Variants in RORA observed in about 807,000 individuals in gnomAD.
The protein encoded by RORA is RAR related orphan receptor A.
In RORA, 7 loss-of-function variants were observed where a neutral mutation model predicts 69.5. That is an observed-to-expected ratio of 0.10 (90% CI 0.06 to 0.19). The LOEUF (loss-of-function observed/expected upper bound fraction) is 0.19. RORA is among the 10% of genes least tolerant of loss of function. RORA has a pLI of 1.00. For missense variants in RORA, 457 were observed against 663.0 expected (o/e 0.69, Z 3.41); for synonymous variants, 261 against 240.8 (o/e 1.08, Z -0.78).
chr15:60,679,532 C>CACT (rs1269611179), intron 1 of RORA, among the ~76,000 whole-genome samples: 1 of 152,158 alleles, frequency 6.6e-6, no homozygotes, highest in East Asian at 1.9e-4. Context: ...GTTCTTGAGA[C>CACT]TAAGTAGGCT....
intron 1 of RORA, among the ~76,000 whole-genome samples, chr15:60,871,538 T>C (rs546723413): frequency 6.6e-6 from 1 of 152,330 alleles, no homozygotes; most frequent in South Asian, 2.1e-4. Flanking sequence ...CCAACTCAGA[T>C]TTTGACTCTG....
At chr15:60,701,906 A>G (rs1403647404) in intron 1 of RORA, among the ~76,000 whole-genome samples, 5 of 152,310 alleles carry the variant, frequency 3.3e-5, no homozygotes, top group South Asian at 2.1e-4. Flanking sequence ...GACAACAGCA[A>G]CTTCTCATAA....
chr15:60,713,894 A>G (rs62002731), intron 1 of RORA, among the ~76,000 whole-genome samples: 7,659 of 152,354 alleles, frequency 0.05, 269 homozygotes, highest in Non-Finnish European at 0.075. Context: ...CAACTGGCAG[A>G]CTGCTGACCC....
intron 1 of RORA, among the ~76,000 whole-genome samples, chr15:60,937,378 A>G (rs12911803): frequency 0.23 from 34,573 of 152,098 alleles, 4,168 homozygotes; most frequent in Middle Eastern, 0.3. Context: ...CTTGGTGAGA[A>G]AGCACTCACC....
chr15:61,020,014 C>A (rs1425764227), intron 1 of RORA, among the ~76,000 whole-genome samples: 1 of 152,224 alleles, frequency 6.6e-6, no homozygotes, highest in Admixed American at 6.5e-5. Context: ...GAATCACTAA[C>A]CTCTCTCAGA....
At chr15:61,053,860 T>TATATATATATATATATATATATATAA (rs1427951896) in intron 1 of RORA, among the ~76,000 whole-genome samples, 2 of 139,472 alleles carry the variant, frequency 1.4e-5, no homozygotes, top group African/African-American at 5.3e-5. Flanking sequence ...TATATATATA[T>TATATATATATATATATATATATATAA]ATAAACATTC....
intron 5 of RORA, among the ~76,000 whole-genome samples, chr15:60,507,389 G>T (rs2065542334): frequency 6.6e-6 from 1 of 152,108 alleles, no homozygotes; most frequent in Non-Finnish European, 1.5e-5. Context: ...AACAGAGCAG[G>T]TTCACCTAAA....
At chr15:60,769,434 G>A (rs1349877242) in intron 1 of RORA, among the ~76,000 whole-genome samples, 1 of 152,142 alleles carries the variant, frequency 6.6e-6, no homozygotes, top group Non-Finnish European at 1.5e-5. Flanking sequence ...AACCCATTTG[G>A]TTGAGCACTG....
At chr15:60,656,373 A>T (rs540156687) in intron 2 of RORA, among the ~76,000 whole-genome samples, 1 of 152,348 alleles carries the variant, frequency 6.6e-6, no homozygotes, top group African/African-American at 2.4e-5. Flanking sequence ...ACAGACACCA[A>T]TCTTGCCTTC....
intron 1 of RORA, among the ~76,000 whole-genome samples, chr15:60,855,610 TTTTA>T (rs56303340): frequency 0.26 from 39,939 of 151,872 alleles, 5,481 homozygotes; most frequent in Non-Finnish European, 0.29. Context: ...CAGTGTTTGC[TTTTA>T]TTTATTTATT....
chr15:61,134,988 CCTG>C (rs1292433377), intron 1 of RORA, among the ~76,000 whole-genome samples: 2 of 151,908 alleles, frequency 1.3e-5, no homozygotes, highest in Non-Finnish European at 2.9e-5. Flanking sequence ...CAAGCAAACC[CCTG>C]TCCAACATAC....
intron 1 of RORA, among the ~76,000 whole-genome samples, chr15:60,837,484 G>A (rs973568503): frequency 6.6e-6 from 1 of 152,142 alleles, no homozygotes; most frequent in Non-Finnish European, 1.5e-5. Context: ...CCTTGCACAC[G>A]TCAATACAGG....
chr15:61,161,183 C>T (rs12900176), intron 1 of RORA, among the ~76,000 whole-genome samples: 74,490 of 151,944 alleles, frequency 0.49, 19,668 homozygotes, highest in Non-Finnish European at 0.6. Context: ...ATTGTGGATC[C>T]CATATGAAGT....
chr15:61,091,676 G>A (rs2078709509), intron 1 of RORA, among the ~76,000 whole-genome samples: 1 of 152,206 alleles, frequency 6.6e-6, no homozygotes, highest in Admixed American at 6.5e-5. Context: ...TTATCCACAA[G>A]CAACTTCACA....
intron 1 of RORA, among the ~76,000 whole-genome samples, chr15:60,815,119 C>G (rs1222865615): frequency 6.6e-6 from 1 of 152,142 alleles, no homozygotes; most frequent in Non-Finnish European, 1.5e-5. Flanking sequence ...AAAAACGAGT[C>G]TAATGATGCT....
At chr15:60,997,495 T>C (rs1894592797) in intron 1 of RORA, among the ~76,000 whole-genome samples, 1 of 152,186 alleles carries the variant, frequency 6.6e-6, no homozygotes, top group African/African-American at 2.4e-5. Context: ...TCATTAACTT[T>C]CTAGAAAGTA....
At chr15:60,942,966 A>AT (rs1369815800) in intron 1 of RORA, among the ~76,000 whole-genome samples, 1 of 152,162 alleles carries the variant, frequency 6.6e-6, no homozygotes, top group African/African-American at 2.4e-5. Flanking sequence ...AATTTATTAG[A>AT]TTTTCTTTTC....
rs116872349 is a variant in RORA at position 61,048,812 on chromosome 15, G to A, written c.166+180241C>T. On this transcript the variant is annotated intron_variant, in intron 1 of 10. Transcript: ENST00000335670. ...GCTTCTTTACGGCTCTTCAAGTGCC[G>A]GCCATTTCCTGGAGTTTCATGGGAG... is the stretch of plus-strand genomic sequence containing the variant. 8.5e-4 allele frequency among the ~76,000 whole-genome samples: 130 copies of A among 152,172 alleles called. 1 individual carries two copies. In the East Asian group the frequency reaches 0.021, roughly 25 times the overall value.
rs187962235 is a variant in RORA, at chr15:60,580,119, C to T, written c.197-48268G>A. 2.3e-3 allele frequency among the ~76,000 whole-genome samples: 344 copies of T among 151,722 alleles called. 1 individual carries two copies. Among genetic ancestry groups the T allele is most frequent in the African/African-American group, 7.7e-3 (318 of 41,434 alleles). On this transcript the variant is annotated intron_variant, in intron 2 of 10. Coordinates refer to ENST00000335670, the MANE Select transcript of RORA (RefSeq NM_134261.3). ...ATACTTGCATGGTTAATTTTATTTT[C>T]AATGTAATATCAAGAGAGAGGGAAG...
Sources: gnomAD v4.1 joint callset for allele counts (sites outside exome capture counted in the v4.1 genomes callset) on GRCh38, gnomAD v4.1.1 for gene constraint, MANE v1.5 for transcripts, NCBI Gene and HGNC (gene_info 2026-07-23, HGNC 2026-07-21) for gene names.